PPP1R14C: variants seen among roughly 807,000 people sequenced by gnomAD.
PPP1R14C encodes the protein protein phosphatase 1 regulatory subunit 14C.
A neutral mutation model predicts 20.4 loss-of-function variants in PPP1R14C; 16 were observed. That is an observed-to-expected ratio of 0.78 (90% CI 0.53 to 1.19). PPP1R14C has a LOEUF of 1.19. PPP1R14C is among the 50% of genes most tolerant of loss of function. The pLI is 0.00. For missense variants in PPP1R14C, 211 were observed against 220.1 expected (o/e 0.96, Z 0.26); for synonymous variants, 91 against 91.0 (o/e 1.00, Z 0.00).
chr6:150,233,738 A>T (rs916248801), intron 3 of PPP1R14C, among the ~76,000 whole-genome samples: 4 of 152,154 alleles, frequency 2.6e-5, no homozygotes, highest in Non-Finnish European at 5.9e-5. Flanking sequence ...AGTGATCATC[A>T]TATTCTTTAT....
intron 3 of PPP1R14C, among the ~76,000 whole-genome samples, chr6:150,232,016 T>C (rs17079471): frequency 0.1 from 15,179 of 152,252 alleles, 1,302 homozygotes; most frequent in African/African-American, 0.23. Flanking sequence ...TGGAGTTGCT[T>C]TTAAATGTTT....
chr6:150,200,578 G>C (rs1777865008), intron 1 of PPP1R14C, among the ~76,000 whole-genome samples: 1 of 152,086 alleles, frequency 6.6e-6, no homozygotes, highest in African/African-American at 2.4e-5. Context: ...CCCTGCCCCT[G>C]GCTCTCTTCC....
Position 150,240,306 on chromosome 6 carries a change from A to G in PPP1R14C, c.424-8440A>G, listed in dbSNP as rs961783263. The stretch of plus-strand genomic sequence containing the variant: ...AGGCCTGATATTGTTACCAGTGGAG[A>G]ATGTCCAGGTTCTTCGCGTTTTGAA... On this transcript the variant is annotated intron_variant, in intron 3 of 3. Transcript: ENST00000361131. Among the ~76,000 whole-genome samples the G allele has an allele frequency of 2.6e-5, 4 of 152,312 alleles. No individual in the cohort carries two copies. The East Asian group carries it at 7.7e-4, about 29-fold the overall frequency.
chr6:150,212,261 T>G (rs369906185), intron 1 of PPP1R14C, among the ~76,000 whole-genome samples: 9 of 152,344 alleles, frequency 5.9e-5, no homozygotes, highest in South Asian at 4.1e-4. Flanking sequence ...ATGTGGTCAT[T>G]GCGACTGAGG....
intron 1 of PPP1R14C, among the ~76,000 whole-genome samples, chr6:150,206,043 C>T (rs914097257): frequency 2.0e-5 from 3 of 152,108 alleles, no homozygotes; most frequent in Admixed American, 2.0e-4. Context: ...TGAGTCTCCA[C>T]ATGCTCTGTC....
At chr6:150,222,771 T>TTTTTTTTTTTTTTTTTTTTTTTG in intron 3 of PPP1R14C, among the ~76,000 whole-genome samples, 1 of 137,266 alleles carries the variant, frequency 7.3e-6, no homozygotes, top group Non-Finnish European at 1.6e-5. Context: ...CTGGCTTTTT[T>TTTTTTTTTTTTTTTTTTTTTTTG]TTTTTTTTTT....
intron 1 of PPP1R14C, among the ~76,000 whole-genome samples, chr6:150,203,316 G>A (rs1227087411): frequency 6.6e-6 from 1 of 152,178 alleles, no homozygotes; most frequent in Non-Finnish European, 1.5e-5. Context: ...CATGCGTATG[G>A]CAACTTTCCA....
intron 3 of PPP1R14C, among the ~76,000 whole-genome samples, chr6:150,239,599 G>A (rs1474298007): frequency 1.3e-5 from 2 of 152,128 alleles, no homozygotes; most frequent in African/African-American, 4.8e-5. Context: ...GCTGGGGGTG[G>A]GGGAACATAT....
At chr6:150,191,347 T>C (rs1422962246) in intron 1 of PPP1R14C, among the ~76,000 whole-genome samples, 1 of 152,248 alleles carries the variant, frequency 6.6e-6, no homozygotes, top group East Asian at 1.9e-4. Context: ...TTTTGTTTCC[T>C]GCTCTATTCC....
At chr6:150,227,200 C>A (rs1778240554) in intron 3 of PPP1R14C, among the ~76,000 whole-genome samples, 1 of 152,128 alleles carries the variant, frequency 6.6e-6, no homozygotes, top group Admixed American at 6.5e-5. Context: ...ACAGGAAAAC[C>A]ATGTGATGAC....
chr6:150,156,767 A>G (rs1314790057), intron 1 of PPP1R14C, among the ~76,000 whole-genome samples: 1 of 152,250 alleles, frequency 6.6e-6, no homozygotes, highest in Non-Finnish European at 1.5e-5. Flanking sequence ...CTAAAAAACA[A>G]CACGTACTAT....
chr6:150,149,477 T>C (rs1054606801), intron 1 of PPP1R14C, among the ~76,000 whole-genome samples: 2 of 129,394 alleles, frequency 1.5e-5, no homozygotes, highest in Admixed American at 1.6e-4. Flanking sequence ...TTTTTTTTTT[T>C]TGTGGAGACA....
rs184332220 is a variant in PPP1R14C at position 150,248,620 on chromosome 6, G to T, written c.424-126G>T. The T allele has an allele frequency of 1.3e-5, 8 of 619,914 alleles. No homozygotes were observed. In the East Asian group the frequency reaches 1.9e-4, roughly 14 times the overall value. 38.4% of individuals were successfully genotyped at this position (619,914 alleles called of 1,614,324 possible). On this transcript the variant is annotated intron_variant, in intron 3 of 3. Transcript: ENST00000361131. ...AAAATCCTGTATTATACCAGTGGGG[G>T]TTAACACATTCAACCAAATTCATCA...
chr6:150,219,622 A>T (rs538715906), intron 3 of PPP1R14C, among the ~76,000 whole-genome samples: 3 of 152,012 alleles, frequency 2.0e-5, no homozygotes, highest in Non-Finnish European at 2.9e-5. Flanking sequence ...CAATCACATC[A>T]TTACCATCCC....
intron 1 of PPP1R14C, among the ~76,000 whole-genome samples, chr6:150,190,205 C>T (rs557433758): frequency 6.6e-5 from 10 of 152,018 alleles, no homozygotes; most frequent in Non-Finnish European, 1.5e-4. Flanking sequence ...AGCCTGGACG[C>T]GTTTATGAAA....
intron 1 of PPP1R14C, among the ~76,000 whole-genome samples, chr6:150,145,540 G>A (rs1188665278): frequency 1.3e-5 from 2 of 152,190 alleles, no homozygotes; most frequent in Non-Finnish European, 2.9e-5. Flanking sequence ...GGGCAAATAA[G>A]TAGCCAAATA....
At chr6:150,206,282 G>A (rs1050699438) in intron 1 of PPP1R14C, among the ~76,000 whole-genome samples, 8 of 152,224 alleles carry the variant, frequency 5.3e-5, no homozygotes, top group Non-Finnish European at 1.5e-5. Flanking sequence ...GCCACTGTAC[G>A]TATTGTACTT....
At chr6:150,211,904 C>T (rs1449589528) in intron 1 of PPP1R14C, among the ~76,000 whole-genome samples, 3 of 152,198 alleles carry the variant, frequency 2.0e-5, no homozygotes, top group Non-Finnish European at 4.4e-5. Flanking sequence ...GCGCAGATGC[C>T]TAATGGCTGT....
At chr6:150,183,760 C>A (rs768970467) in intron 1 of PPP1R14C, among the ~76,000 whole-genome samples, 1 of 152,062 alleles carries the variant, frequency 6.6e-6, no homozygotes, top group Non-Finnish European at 1.5e-5. Flanking sequence ...ATCCACCCAG[C>A]CTCCCAAAAT....
Sources: allele counts gnomAD v4.1 joint callset (sites outside exome capture counted in the v4.1 genomes callset), GRCh38; gene constraint gnomAD v4.1.1; transcripts MANE v1.5; gene names NCBI Gene and HGNC (gene_info 2026-07-23, HGNC 2026-07-21).